Variants in KCTD1 observed in about 807,000 individuals in gnomAD.
KCTD1 encodes potassium channel tetramerization domain containing 1, also known as BTB/POZ domain-containing protein KCTD1.
A neutral mutation model predicts 66.0 loss-of-function variants in KCTD1; 24 were observed. The observed-to-expected ratio is 0.36, with a 90% CI of 0.26 to 0.51. The LOEUF (loss-of-function observed/expected upper bound fraction) is 0.51. Among genes scored for constraint, KCTD1 ranks in the 20% least tolerant of loss-of-function variants. The pLI is 0.95. For missense variants in KCTD1, 943 were observed against 1,205.2 expected (o/e 0.78, Z 3.22); for synonymous variants, 511 against 517.2 (o/e 0.99, Z 0.16).
At chr18:26,498,684 A>G (rs868752738) in intron 2 of KCTD1, among the ~76,000 whole-genome samples, 3 of 152,032 alleles carry the variant, frequency 2.0e-5, no homozygotes, top group Admixed American at 2.0e-4. Flanking sequence ...CAATAGCTGT[A>G]CGTGGCTACT....
rs561691995 is a variant in KCTD1, at chr18:26,491,320, A to G, written c.1988+9752T>C. Among the ~76,000 whole-genome samples, 147 of 152,286 alleles carry G rather than the reference A, an allele frequency of 9.7e-4. 4 individuals are homozygous for G. The Middle Eastern group carries it at 0.014, about 14-fold the overall frequency. On this transcript the variant is annotated intron_variant, in intron 2 of 4. Coordinates refer to ENST00000580059, the MANE Select transcript of KCTD1 (RefSeq NM_001142730.3). Reference sequence around the variant, plus strand: ...AGCCCTCAATATCCCAGTGTTGTCAAGTGCACCATTCTTTCCGGTGGGCAC... The same window carrying G: ...AGCCCTCAATATCCCAGTGTTGTCAGGTGCACCATTCTTTCCGGTGGGCAC...
chr18:26,476,780 T>A lies in KCTD1; in HGVS notation c.1989-121A>T. 1 of 793,240 alleles carries A rather than the reference T, an allele frequency of 1.3e-6. No individual in the cohort carries two copies. The allele number at this position is 793,240 out of a possible 1,614,324, so 49.1% of individuals were successfully genotyped here. On this transcript the variant is annotated intron_variant, in intron 2 of 4. Transcript: ENST00000580059. The surrounding 1 kb of genome is among the most constrained non-coding windows in gnomAD (Gnocchi z 4.9). ...TTTGAAGATGGCAGTAGGGAAAAAT[T>A]ACGATTGTCTGCAAAGTGTTGGTCC...
At chr18:26,593,387 A>AAGAGGAGGAGGAG (rs1986665106) in intron 1 of KCTD1, among the ~76,000 whole-genome samples, 1 of 44,870 alleles carries the variant, frequency 2.2e-5, no homozygotes, top group Non-Finnish European at 4.6e-5. Flanking sequence ...AGGAGGAGGA[A>AAGAGGAGGAGGAG]GAAGAGGAGG....
intron 1 of KCTD1, among the ~76,000 whole-genome samples, chr18:26,528,766 C>A (rs1405783785): frequency 6.6e-6 from 1 of 152,168 alleles, no homozygotes; most frequent in Non-Finnish European, 1.5e-5. Context: ...GAAATCTCAG[C>A]TGCATTGAAC....
chr18:26,456,853 T>C (rs544254772), intron 4 of KCTD1: 1 of 151,698 alleles, frequency 6.6e-6, no homozygotes, highest in Non-Finnish European at 1.5e-5. Context: ...TGCAAATGTT[T>C]CCTGCCCGAG....
intron 1 of KCTD1, among the ~76,000 whole-genome samples, chr18:26,523,114 C>A (rs1213938864): frequency 6.6e-6 from 1 of 151,968 alleles, no homozygotes; most frequent in Non-Finnish European, 1.5e-5. Flanking sequence ...TTGCGTTTCC[C>A]AAAGTGTTAT....
intron 1 of KCTD1, among the ~76,000 whole-genome samples, chr18:26,577,725 G>GTT (rs372315881): frequency 6.7e-6 from 1 of 150,118 alleles, no homozygotes; most frequent in Non-Finnish European, 1.5e-5. Flanking sequence ...AGTTTTTAGT[G>GTT]TTTTTTTTTG....
intron 1 of KCTD1, among the ~76,000 whole-genome samples, chr18:26,616,702 T>C (rs1362570031): frequency 1.5e-5 from 2 of 133,644 alleles, no homozygotes; most frequent in Admixed American, 1.5e-4. Context: ...AAAAAAAAAA[T>C]TTGTAGAGAC....
intron 2 of KCTD1, among the ~76,000 whole-genome samples, chr18:26,495,018 G>A (rs1167250389): frequency 6.6e-6 from 1 of 152,166 alleles, no homozygotes. Flanking sequence ...AAAGCATGTG[G>A]ATGTAGAGAG....
chr18:26,547,041 G>T lies in KCTD1; in HGVS notation c.1496C>A (p.Pro499His). The T allele has an allele frequency of 6.7e-7, 1 of 1,481,588 alleles. No homozygotes were observed. Among genetic ancestry groups the T allele is most frequent in the Non-Finnish European group, 9.0e-7 (1 of 1,110,526 alleles). 91.8% of individuals were successfully genotyped at this position (1,481,588 alleles called of 1,614,324 possible). The part of the protein sequence containing the change: ...RHHSHHPPTH[P>H]SHHHRPQPPS... ...CGGCTGGGGGCGGTGGTGGTGGGAG[G>T]GATGGGTGGGGGGGTGGTGGGAGTG... Residue 499 changes from proline to histidine, a missense_variant, in exon 1 of 5, where the codon CCC becomes CAC. Physicochemically the swap from Pro to His is moderately conservative, Grantham distance 77 (BLOSUM62 -2). Transcript: ENST00000580059.
intron 2 of KCTD1, among the ~76,000 whole-genome samples, chr18:26,483,020 G>T (rs900613371): frequency 2.0e-5 from 3 of 152,182 alleles, no homozygotes; most frequent in Non-Finnish European, 2.9e-5. Flanking sequence ...TTGGACTTTA[G>T]GAAAAGATTT....
chr18:26,594,207 G>T (rs1207831525), intron 1 of KCTD1, among the ~76,000 whole-genome samples: 2 of 152,158 alleles, frequency 1.3e-5, no homozygotes, highest in Non-Finnish European at 2.9e-5. Flanking sequence ...GCTAGGGAAG[G>T]CTTAGGTCAA....
upstream of KCTD1, among the ~76,000 whole-genome samples, chr18:26,551,127 G>C (rs1183160229): frequency 6.6e-6 from 1 of 152,192 alleles, no homozygotes; most frequent in African/African-American, 2.4e-5. Context: ...GAGCTGCTTT[G>C]AATTGCTCGC....
chr18:26,651,467 TG>T, intron 1 of KCTD1, among the ~76,000 whole-genome samples: 1 of 152,214 alleles, frequency 6.6e-6, no homozygotes, highest in Non-Finnish European at 1.5e-5. Context: ...GGAACACTGA[TG>T]GAAGAGTCTG....
chr18:26,517,967 G>A (rs940667709), intron 1 of KCTD1, among the ~76,000 whole-genome samples: 2 of 152,232 alleles, frequency 1.3e-5, no homozygotes, highest in African/African-American at 2.4e-5. Flanking sequence ...CCCCCAACCA[G>A]GGCAAAGTGT....
intron 1 of KCTD1, among the ~76,000 whole-genome samples, chr18:26,525,712 C>T (rs1200333651): frequency 6.6e-6 from 1 of 152,136 alleles, no homozygotes; most frequent in Non-Finnish European, 1.5e-5. Flanking sequence ...ATATTTCCTC[C>T]CTCCCTGCCT....
chr18:26,460,463 T>C (rs1265349894), intron 3 of KCTD1, among the ~76,000 whole-genome samples: 1 of 152,084 alleles, frequency 6.6e-6, no homozygotes, highest in Non-Finnish European at 1.5e-5. Flanking sequence ...GGGACAGAGA[T>C]ATGAGGCTAG....
intron 1 of KCTD1, among the ~76,000 whole-genome samples, chr18:26,579,265 TCA>T (rs74670208): frequency 0.21 from 31,754 of 150,650 alleles, 3,429 homozygotes; most frequent in East Asian, 0.32. Context: ...TTTCTCACCC[TCA>T]CACACACACA....
intron 1 of KCTD1, among the ~76,000 whole-genome samples, chr18:26,518,755 C>T (rs1983780737): frequency 6.6e-6 from 1 of 152,074 alleles, no homozygotes; most frequent in African/African-American, 2.4e-5. Context: ...GTTGTCCAGG[C>T]TGGTCTCAAA....
Sources: allele counts gnomAD v4.1 joint callset (sites outside exome capture counted in the v4.1 genomes callset), GRCh38; gene constraint gnomAD v4.1.1; non-coding constraint Gnocchi (gnomAD v3.1); transcripts MANE v1.5; gene names NCBI Gene and HGNC (gene_info 2026-07-23, HGNC 2026-07-21).